The following LUC7L2 variants were observed in gnomAD, a reference collection of about 807,000 sequenced individuals.
LUC7L2 encodes the protein LUC7 like 2, pre-mRNA splicing factor.
In LUC7L2, 25 loss-of-function variants were observed where a neutral mutation model predicts 52.8. That is an observed-to-expected ratio of 0.47 (90% CI 0.34 to 0.66). The LOEUF is 0.66. LUC7L2 is among the 30% of genes least tolerant of loss of function. The pLI, the probability that LUC7L2 is intolerant of heterozygous loss-of-function variation, is 0.01. For missense variants in LUC7L2, 328 were observed against 497.8 expected, an observed-to-expected ratio of 0.66 and a Z score of 3.25; for synonymous variants, 144 against 160.9, an observed-to-expected ratio of 0.89 and a Z score of 0.80.
intron 7 of LUC7L2, among the ~76,000 whole-genome samples, chr7:139,410,559 C>G (rs1795317396): frequency 6.6e-6 from 1 of 152,042 alleles, no homozygotes; most frequent in Admixed American, 6.6e-5. Context: ...CACATAGCAT[C>G]ATGGTGGCAA....
chr7:139,421,922 G>A (rs1356110928), intron 9 of LUC7L2, among the ~76,000 whole-genome samples: 13 of 152,116 alleles, frequency 8.5e-5, no homozygotes, highest in Admixed American at 8.5e-4. Flanking sequence ...GATGAGAGTA[G>A]CCTGTAAGAA....
intron 5 of LUC7L2, among the ~76,000 whole-genome samples, chr7:139,406,787 C>T (rs910473073): frequency 1.3e-5 from 2 of 151,938 alleles, no homozygotes; most frequent in Admixed American, 6.6e-5. Context: ...GTTTGCAATT[C>T]GTGTCTTTTC....
At chr7:139,374,552 A>G (rs1800611957) in intron 1 of LUC7L2, 4 of 1,546,676 alleles carry the variant, frequency 2.6e-6, no homozygotes, top group Non-Finnish European at 3.5e-6. Flanking sequence ...AGGACCATCA[A>G]AATAACTTTT....
intron 8 of LUC7L2, among the ~76,000 whole-genome samples, chr7:139,415,054 GTTTTTTTTTTTTTT>G (rs1171809951): frequency 2.4e-4 from 13 of 54,194 alleles, no homozygotes; most frequent in Non-Finnish European, 2.2e-4. Context: ...GCCCTGCTAA[GTTTTTTTTTTTTTT>G]TTTTTTTTTT....
chr7:139,387,070 C>T (rs540319728), intron 2 of LUC7L2, among the ~76,000 whole-genome samples: 196 of 149,094 alleles, frequency 1.3e-3, no homozygotes, highest in African/African-American at 4.7e-3. Context: ...GAACTCCTGG[C>T]CTCAGGTGAT....
At chr7:139,378,585 A>G (rs1250490628) in intron 2 of LUC7L2, among the ~76,000 whole-genome samples, 1 of 151,956 alleles carries the variant, frequency 6.6e-6, no homozygotes, top group African/African-American at 2.4e-5. Context: ...AAAAAAAAGA[A>G]AAAAGAAAAA....
chr7:139,417,693 G>T lies in LUC7L2; in HGVS notation c.965G>T (p.Ser322Ile). Residue 322 changes from serine (S) to isoleucine (I), a missense_variant, in exon 9 of 10, where the codon AGT (serine) becomes ATT (isoleucine). Around this residue, in one of 2 missense-constraint regions of LUC7L2, gnomAD observed 195 missense variants for 223.3 expected, o/e 0.87. Transcript: ENST00000354926. ...CGTAGCCACCAGAGAAGTCGGCACA[G>T]TTCTAGAGATAGGAGCAGAGAACGA... ...RSRSHQRSRH[S>I]SRDRSRERSK... is the part of the protein sequence containing the mutation. 2 of 1,614,194 alleles carry T rather than the reference G, an allele frequency of 1.2e-6. No individual in the cohort carries two copies. The highest frequency in any genetic ancestry group is 1.7e-6 in the Non-Finnish European group (2 of 1,180,040).
chr7:139,349,078 C>T (rs924175366), intron 1 of LUC7L2, among the ~76,000 whole-genome samples: 2 of 152,074 alleles, frequency 1.3e-5, no homozygotes, highest in Non-Finnish European at 2.9e-5. Flanking sequence ...TGTTTGAACC[C>T]GGGAGGCGGA....
intron 1 of LUC7L2, among the ~76,000 whole-genome samples, chr7:139,368,086 T>C (rs892722889): frequency 6.6e-6 from 1 of 152,250 alleles, no homozygotes; most frequent in Non-Finnish European, 1.5e-5. Context: ...TTTACTCCAT[T>C]GTGTTAGAGG....
chr7:139,399,995 A>G (rs548739709), intron 3 of LUC7L2, among the ~76,000 whole-genome samples: 25 of 152,356 alleles, frequency 1.6e-4, no homozygotes, highest in African/African-American at 5.8e-4. Flanking sequence ...TAGATGTTTT[A>G]AATTTGGTTT....
At chr7:139,404,133 T>C (rs982412769) in intron 4 of LUC7L2, among the ~76,000 whole-genome samples, 2 of 152,120 alleles carry the variant, frequency 1.3e-5, no homozygotes, top group African/African-American at 4.8e-5. Context: ...GGAAGAAATA[T>C]TTTGGGTTGA....
chr7:139,408,126 C>G (rs1259635326), intron 6 of LUC7L2, among the ~76,000 whole-genome samples: 2 of 152,140 alleles, frequency 1.3e-5, no homozygotes, highest in Non-Finnish European at 2.9e-5. Flanking sequence ...ACTCAAGGTC[C>G]ATAGCATTTA....
At chr7:139,348,546 C>T (rs1237511287) in intron 1 of LUC7L2, among the ~76,000 whole-genome samples, 1 of 151,454 alleles carries the variant, frequency 6.6e-6, no homozygotes, top group Non-Finnish European at 1.5e-5. Flanking sequence ...TGGTGAAACC[C>T]CGTCTCTACT....
At chr7:139,371,440 T>A (rs1349663846) in intron 1 of LUC7L2, 1 of 1,533,744 alleles carries the variant, frequency 6.5e-7, no homozygotes, top group African/African-American at 1.4e-5. Context: ...CTTAAAAAAA[T>A]ACAGGGAGCA....
intron 2 of LUC7L2, among the ~76,000 whole-genome samples, chr7:139,387,651 A>T (rs1002339148): frequency 1.3e-5 from 2 of 152,204 alleles, no homozygotes; most frequent in Non-Finnish European, 2.9e-5. Flanking sequence ...TCCTACGCAA[A>T]ACTTGTGGTG....
intron 1 of LUC7L2, among the ~76,000 whole-genome samples, chr7:139,362,459 C>G (rs1328448156): frequency 6.6e-6 from 1 of 151,928 alleles, no homozygotes; most frequent in Non-Finnish European, 1.5e-5. Context: ...TGAATAACAC[C>G]ATGTAATTTG....
chr7:139,382,747 A>C (rs936884982), intron 2 of LUC7L2, among the ~76,000 whole-genome samples: 1 of 152,168 alleles, frequency 6.6e-6, no homozygotes, highest in African/African-American at 2.4e-5. Context: ...AGATGGGATT[A>C]TTGGTTGTCA....
At chr7:139,381,796 G>A (rs1240400960) in intron 2 of LUC7L2, among the ~76,000 whole-genome samples, 1 of 151,240 alleles carries the variant, frequency 6.6e-6, no homozygotes, top group East Asian at 1.9e-4. Context: ...GGCTGGTCTC[G>A]AACTGCTGAC....
intron 1 of LUC7L2, among the ~76,000 whole-genome samples, chr7:139,369,943 C>G (rs1800356923): frequency 6.6e-6 from 1 of 152,150 alleles, no homozygotes; most frequent in African/African-American, 2.4e-5. Context: ...AGGAAAGCTG[C>G]TTTGTTTTAT....
Sources: allele counts gnomAD v4.1 joint callset (sites outside exome capture counted in the v4.1 genomes callset), GRCh38; gene constraint gnomAD v4.1.1; regional missense constraint gnomAD v4.1.1; transcripts MANE v1.5; gene names NCBI Gene and HGNC (gene_info 2026-07-23, HGNC 2026-07-21).